The following ANTXR1 variants were observed in gnomAD, a reference collection of about 807,000 sequenced individuals.
The protein encoded by ANTXR1 is anthrax toxin receptor 1.
Under a neutral mutation model 78.1 loss-of-function variants are expected in ANTXR1, and 19 were observed. The ratio of observed to expected loss-of-function variants is 0.24; its 90% CI spans 0.17 to 0.36. ANTXR1 has a LOEUF of 0.36. Ranked by LOEUF, ANTXR1 falls within the 10% of genes least tolerant of loss-of-function variation. ANTXR1 has a pLI of 1.00. For synonymous variants in ANTXR1, 273 were observed against 260.5 expected, an observed-to-expected ratio of 1.05 and a Z score of -0.46; for missense variants, 518 against 718.6, an observed-to-expected ratio of 0.72 and a Z score of 3.19.
intron 13 of ANTXR1, among the ~76,000 whole-genome samples, chr2:69,155,357 G>A (rs1189780783): frequency 6.6e-6 from 1 of 152,086 alleles, no homozygotes; most frequent in African/African-American, 2.4e-5. Flanking sequence ...GGGGAGAGAG[G>A]TATTGGACTA....
intron 17 of ANTXR1, among the ~76,000 whole-genome samples, chr2:69,241,844 C>A (rs1198033346): frequency 6.6e-6 from 1 of 152,126 alleles, no homozygotes; most frequent in African/African-American, 2.4e-5. Flanking sequence ...AAACACAATG[C>A]GCCAGGCACT....
chr2:69,080,850 C>T (rs530593463), intron 8 of ANTXR1, among the ~76,000 whole-genome samples: 9 of 152,206 alleles, frequency 5.9e-5, no homozygotes, highest in African/African-American at 1.7e-4. Flanking sequence ...CGGCCCAGTA[C>T]AGTGCATAGG....
intron 17 of ANTXR1, among the ~76,000 whole-genome samples, chr2:69,207,050 T>C (rs1350112817): frequency 6.6e-6 from 1 of 152,194 alleles, no homozygotes; most frequent in Non-Finnish European, 1.5e-5. Flanking sequence ...CAAATTTCTG[T>C]AGACGCCAAT....
At chr2:69,168,399 A>G (rs1005529373) in intron 13 of ANTXR1, among the ~76,000 whole-genome samples, 1 of 152,188 alleles carries the variant, frequency 6.6e-6, no homozygotes, top group Non-Finnish European at 1.5e-5. Flanking sequence ...GGGACTCATC[A>G]AATCCTGACA....
At chr2:69,178,660 C>A (rs1558624901) in intron 14 of ANTXR1, among the ~76,000 whole-genome samples, 1 of 152,206 alleles carries the variant, frequency 6.6e-6, no homozygotes, top group African/African-American at 2.4e-5. Flanking sequence ...CTTCATGCAT[C>A]TTACTATATC....
chr2:69,178,701 A>AAAGATGCATG, intron 14 of ANTXR1, among the ~76,000 whole-genome samples: 1 of 152,228 alleles, frequency 6.6e-6, no homozygotes, highest in South Asian at 2.1e-4. Context: ...CGAATTAGAG[A>AAAGATGCATG]AAGCCAGTTG....
intron 3 of ANTXR1, among the ~76,000 whole-genome samples, chr2:69,045,172 G>T (rs897118491): frequency 2.6e-5 from 4 of 152,066 alleles, no homozygotes; most frequent in Non-Finnish European, 5.9e-5. Flanking sequence ...TTGGATTAAG[G>T]TTTCAGATAC....
chr2:69,073,693 T>C (rs1378125809), intron 6 of ANTXR1, among the ~76,000 whole-genome samples: 2 of 152,216 alleles, frequency 1.3e-5, no homozygotes, highest in African/African-American at 2.4e-5. Flanking sequence ...CTTGTATAAA[T>C]AGACTTAGAA....
chr2:69,029,127 G>A lies in ANTXR1; in HGVS notation c.153-10917G>A, dbSNP rs373466181. On this transcript the variant is annotated intron_variant, in intron 1 of 17. Transcript: ENST00000303714. ...GCCTGCTGTCCCAGCTACTCAGGAG[G>A]CCGAGGCACAAGAATTGCTTGAACC... Among the ~76,000 whole-genome samples the A allele has an allele frequency of 2.0e-3, 299 of 151,852 alleles. 1 individual carries two copies. Among genetic ancestry groups the A allele is most frequent in the African/African-American group, 7.0e-3 (288 of 41,370 alleles).
At chr2:69,183,051 A>T in intron 16 of ANTXR1, 1 of 251,636 alleles carries the variant, frequency 4.0e-6, no homozygotes, top group Non-Finnish European at 7.7e-6. Context: ...TAACTTGGGT[A>T]GTAACCCCAG....
At chr2:69,114,665 G>A (rs1343917577) in intron 10 of ANTXR1, among the ~76,000 whole-genome samples, 1 of 152,180 alleles carries the variant, frequency 6.6e-6, no homozygotes, top group Non-Finnish European at 1.5e-5. Flanking sequence ...TCATGTCAGA[G>A]CCTTGGCGGC....
intron 1 of ANTXR1, among the ~76,000 whole-genome samples, chr2:69,031,256 T>A (rs145531887): frequency 7.9e-5 from 12 of 152,330 alleles, no homozygotes; most frequent in Non-Finnish European, 1.2e-4. Context: ...CCAGGGCCTC[T>A]CATTTCAAAG....
rs1676056413 is a variant in ANTXR1, at chr2:69,247,906, G to T, written c.*2421G>T. On this transcript the variant is annotated 3_prime_UTR_variant, in exon 18 of 18. Transcript: ENST00000303714. ...GTTGTTTCGGCAAAGCATTTTGATG[G>T]AATAGGGAACTGCAAATGTATGATG... 6.6e-6 allele frequency: 1 copy of T among 152,378 alleles called. No individual in the cohort carries two copies. The highest frequency in any genetic ancestry group is 1.5e-5 in the Non-Finnish European group (1 of 68,050). The allele number at this position is 152,378 out of a possible 1,614,324, so 9.4% of individuals were successfully genotyped here.
At chr2:69,102,130 G>A (rs566421345) in intron 9 of ANTXR1, among the ~76,000 whole-genome samples, 10 of 152,210 alleles carry the variant, frequency 6.6e-5, no homozygotes, top group Non-Finnish European at 1.3e-4. Flanking sequence ...CTTGGCAACT[G>A]ACCACTGCTA....
At chr2:69,164,902 C>T (rs76185793) in intron 13 of ANTXR1, among the ~76,000 whole-genome samples, 3 of 152,182 alleles carry the variant, frequency 2.0e-5, no homozygotes, top group Non-Finnish European at 4.4e-5. Context: ...TCTTTCTAAT[C>T]AGCTATAAGC....
In ANTXR1 at chr2:69,187,585, C is replaced by CTTTTTTTTTTTT. The variant is rs58660678; in HGVS notation, c.1353+4935_1353+4946dup. The stretch of plus-strand genomic sequence containing the variant: ...GGGTCACACTATTTATCATGTATTT[C>CTTTTTTTTTTTT]TTTTTTTTTTTTTTTTTTTTTGAGA... On this transcript the variant is annotated intron_variant, in intron 16 of 17. Coordinates refer to ENST00000303714, the MANE Select transcript of ANTXR1 (RefSeq NM_032208.3). Among the ~76,000 whole-genome samples, 7 of 94,898 alleles carry CTTTTTTTTTTTT rather than the reference C, an allele frequency of 7.4e-5. 1 individual carries two copies. The highest frequency in any genetic ancestry group is 2.3e-4 in the African/African-American group (5 of 21,920). 62.3% of individuals were successfully genotyped at this position (94,898 alleles called of 152,430 possible). A position where few individuals can be genotyped will look rare whatever the true frequency, so the allele number is the denominator to read the frequency against.
chr2:69,188,999 T>A (rs1674490612), intron 16 of ANTXR1, among the ~76,000 whole-genome samples: 2 of 152,230 alleles, frequency 1.3e-5, no homozygotes, highest in South Asian at 4.1e-4. Flanking sequence ...AGAGTTATTT[T>A]TTATTCTGAT....
chr2:69,055,094 AGTT>A (rs924162580), intron 3 of ANTXR1, among the ~76,000 whole-genome samples: 2 of 152,118 alleles, frequency 1.3e-5, no homozygotes, highest in African/African-American at 4.8e-5. Flanking sequence ...AATTAACCTT[AGTT>A]GTTGTTACTA....
intron 12 of ANTXR1, among the ~76,000 whole-genome samples, chr2:69,144,423 G>A (rs753279564): frequency 3.9e-5 from 6 of 152,158 alleles, no homozygotes; most frequent in Non-Finnish European, 7.4e-5. Context: ...AGCTGCCCCC[G>A]CTAAAGGTCT....
Sources: allele counts gnomAD v4.1 joint callset (sites outside exome capture counted in the v4.1 genomes callset), GRCh38; gene constraint gnomAD v4.1.1; transcripts MANE v1.5; gene names NCBI Gene and HGNC (gene_info 2026-07-23, HGNC 2026-07-21).